The following NOX4 variants were observed in gnomAD, a reference collection of about 807,000 sequenced individuals.
NOX4 encodes the protein NADPH oxidase 4.
A neutral mutation model predicts 87.6 loss-of-function variants in NOX4; 69 were observed. The ratio of observed to expected loss-of-function variants is 0.79; its 90% confidence interval spans 0.65 to 0.96. NOX4 has a LOEUF of 0.96. Among genes scored for constraint, NOX4 ranks in the 40% least tolerant of loss-of-function variants. The pLI is 0.00. For missense variants in NOX4, 680 were observed against 681.5 expected (o/e 1.00, Z 0.02); for synonymous variants, 275 against 238.2 (o/e 1.15, Z -1.42).
chr11:89,334,641 A>G (rs929042941), intron 17 of NOX4, among the ~76,000 whole-genome samples: 2 of 151,776 alleles, frequency 1.3e-5, no homozygotes, highest in South Asian at 2.1e-4. Context: ...TACATTTATA[A>G]TCAAATATCC....
upstream of NOX4, among the ~76,000 whole-genome samples, chr11:89,496,510 TA>T (rs1158836362): frequency 4.6e-5 from 7 of 151,848 alleles, no homozygotes; most frequent in African/African-American, 1.7e-4. Context: ...TGTATATGTA[TA>T]TGAGAACATC....
chr11:89,377,701 C>T lies in NOX4; in HGVS notation c.1075-4209G>A, dbSNP rs183980632. ...GCTGCATTTTTTGTTTGTAAAGAAG[C>T]GCCTTTTAATAAAAATCAAAAATGA... On this transcript the variant is annotated intron_variant, in intron 11 of 17. Coordinates refer to ENST00000263317, the MANE Select transcript of NOX4 (RefSeq NM_016931.5). 3.4e-3 allele frequency among the ~76,000 whole-genome samples: 510 copies of T among 151,996 alleles called. 1 individual carries two copies. Among genetic ancestry groups the T allele is most frequent in the South Asian group, 0.023 (109 of 4,800 alleles).
intron 8 of NOX4, among the ~76,000 whole-genome samples, chr11:89,413,303 T>A (rs1942581929): frequency 3.3e-5 from 5 of 152,256 alleles, no homozygotes; most frequent in Non-Finnish European, 2.9e-5. Context: ...AGAACTACCA[T>A]ATGACCCAGC....
At chr11:89,376,868 C>T (rs775357632) in intron 11 of NOX4, among the ~76,000 whole-genome samples, 14 of 151,566 alleles carry the variant, frequency 9.2e-5, no homozygotes, top group Middle Eastern at 3.4e-3. Context: ...GGTGACAGAG[C>T]GAGACTCCAT....
Position 89,427,458 on chromosome 11 carries a change from G to A in NOX4, c.548+5326C>T, listed in dbSNP as rs187862016. Among the ~76,000 whole-genome samples the A allele has an allele frequency of 3.3e-5, 5 of 152,228 alleles. No homozygotes were observed. In the East Asian group the frequency reaches 9.7e-4, roughly 29 times the overall value. ...GGAGGAAGTTCGAACCCATTGCAAA[G>A]AAGCTAAAAACCTTGAAAAAAAATT... is the stretch of plus-strand genomic sequence containing the variant. On this transcript the variant is annotated intron_variant, in intron 7 of 17. Coordinates refer to ENST00000263317, the MANE Select transcript of NOX4 (RefSeq NM_016931.5).
intron 7 of NOX4, among the ~76,000 whole-genome samples, chr11:89,429,188 TC>T (rs1943632303): frequency 1.3e-5 from 2 of 152,096 alleles, no homozygotes; most frequent in Non-Finnish European, 2.9e-5. Context: ...CATACCAGAA[TC>T]TCTGGGACAC....
At chr11:89,354,520 C>G (rs572594514) in intron 13 of NOX4, among the ~76,000 whole-genome samples, 66 of 152,212 alleles carry the variant, frequency 4.3e-4, no homozygotes, top group Middle Eastern at 3.4e-3. Context: ...TGTCAAAAAT[C>G]ATAAGAATAT....
At chr11:89,575,561 G>A in the NOX4 span, among the ~76,000 whole-genome samples, 1 of 152,080 alleles carries the variant, frequency 6.6e-6, no homozygotes, top group Non-Finnish European at 1.5e-5. Context: ...ACTATAATGG[G>A]CAAGTATGGC....
At chr11:89,540,328 T>A in the NOX4 span, among the ~76,000 whole-genome samples, 1 of 152,154 alleles carries the variant, frequency 6.6e-6, no homozygotes, top group East Asian at 1.9e-4. Context: ...ACTTCTTTCA[T>A]CCTCCGAGTC....
At chr11:89,450,388 A>G (rs376624070) in intron 3 of NOX4, among the ~76,000 whole-genome samples, 191 of 152,324 alleles carry the variant, frequency 1.3e-3, no homozygotes, top group South Asian at 9.5e-3. Context: ...ATCAATATCT[A>G]TCCAGCGGTG....
chr11:89,449,278 T>C (rs759703149), intron 4 of NOX4, among the ~76,000 whole-genome samples, 162 bp downstream of exon 4: 1 of 152,210 alleles, frequency 6.6e-6, no homozygotes, highest in Non-Finnish European at 1.5e-5. Context: ...TGACATTATA[T>C]GTTAATATAT....
At chr11:89,508,784 C>G in the NOX4 span, among the ~76,000 whole-genome samples, 2 of 151,954 alleles carry the variant, frequency 1.3e-5, no homozygotes, top group Non-Finnish European at 2.9e-5. Flanking sequence ...TATAATTAAC[C>G]CCATTTTGCA....
At chr11:89,411,338 A>G (rs954404621) in intron 8 of NOX4, among the ~76,000 whole-genome samples, 10 of 152,126 alleles carry the variant, frequency 6.6e-5, no homozygotes, top group Non-Finnish European at 4.4e-5. Flanking sequence ...CTTCTGCGTA[A>G]GAAAAGGAAA....
chr11:89,581,589 C>G, the NOX4 span, among the ~76,000 whole-genome samples: 8 of 152,062 alleles, frequency 5.3e-5, no homozygotes, highest in Admixed American at 4.6e-4. Context: ...TTGGACTCCA[C>G]GTCAGACATC....
intron 8 of NOX4, among the ~76,000 whole-genome samples, chr11:89,414,670 T>C (rs1942667741): frequency 6.7e-6 from 1 of 150,368 alleles, no homozygotes; most frequent in Non-Finnish European, 1.5e-5. Context: ...TATAGAGTTA[T>C]CATATTATTA....
the NOX4 span, among the ~76,000 whole-genome samples, chr11:89,565,678 T>C: frequency 6.6e-6 from 1 of 152,040 alleles, no homozygotes; most frequent in Non-Finnish European, 1.5e-5. Flanking sequence ...TATACATATG[T>C]AACTAACCTG....
At chr11:89,463,770 C>T (rs1288204701) in intron 2 of NOX4, among the ~76,000 whole-genome samples, 3 of 151,520 alleles carry the variant, frequency 2.0e-5, no homozygotes, top group African/African-American at 7.3e-5. Flanking sequence ...AATGGATATA[C>T]CAGTAAGTGG....
chr11:89,437,962 G>A (rs966218293), intron 6 of NOX4, among the ~76,000 whole-genome samples: 2 of 151,796 alleles, frequency 1.3e-5, no homozygotes, highest in East Asian at 1.9e-4. Flanking sequence ...ATGCTCAAGA[G>A]TATGATGAGA....
intron 11 of NOX4, among the ~76,000 whole-genome samples, chr11:89,396,626 C>G (rs1319977201): frequency 6.6e-6 from 1 of 151,994 alleles, no homozygotes; most frequent in Non-Finnish European, 1.5e-5. Context: ...GGAGGAAGAT[C>G]TACCAAGCAA....
Sources: gnomAD v4.1 joint callset for allele counts (sites outside exome capture counted in the v4.1 genomes callset) on GRCh38, gnomAD v4.1.1 for gene constraint, MANE v1.5 for transcripts, NCBI Gene and HGNC (gene_info 2026-07-23, HGNC 2026-07-21) for gene names.